The following C2CD3 variants were observed in gnomAD, a reference collection of about 807,000 sequenced individuals.
C2CD3 encodes C2 domain containing 3 centriole elongation regulator.
In C2CD3, 148 loss-of-function variants were observed where a neutral mutation model predicts 234.0. The ratio of observed to expected loss-of-function variants is 0.63; its 90% CI spans 0.55 to 0.72. C2CD3 has a LOEUF of 0.72. C2CD3 is among the 30% of genes least tolerant of loss of function. The pLI is 0.00. For missense variants in C2CD3, 2,577 were observed against 2,811.5 expected (o/e 0.92, Z 1.89); for synonymous variants, 1,000 against 1,035.4 (o/e 0.97, Z 0.66).
In C2CD3 at chr11:74,074,392, C is replaced by T; in HGVS notation, c.4812G>A (p.Gln1604=). The change falls in exon 24 of 33, where the codon CAG becomes CAA. Residue 1604 remains glutamine, a synonymous_variant. Transcript: ENST00000334126. ...GGACCTGGGTGGAGGCAGGAGACTTCTGGTGGCAGGAGATGACTTCTGGTG... is the reference window on the plus strand; with the variant it reads ...GGACCTGGGTGGAGGCAGGAGACTTTTGGTGGCAGGAGATGACTTCTGGTG... The part of the protein sequence containing the change: ...LSPPEVISCH[Q]KSPASTQVPC... The T allele has an allele frequency of 6.2e-7, 1 of 1,614,222 alleles. No individual in the cohort carries two copies. Among genetic ancestry groups the T allele is most frequent in the Non-Finnish European group, 8.5e-7 (1 of 1,180,042 alleles).
chr11:74,084,477 T>C (rs564353477), intron 22 of C2CD3, among the ~76,000 whole-genome samples: 4 of 151,706 alleles, frequency 2.6e-5, no homozygotes, highest in South Asian at 4.2e-4. Context: ...GGTTTCACCA[T>C]GTTAGCCAGG....
rs1178056922 is a variant in C2CD3 at position 74,085,902 on chromosome 11, G to T, written c.3642-16C>A. 6 of 1,594,160 alleles carry T rather than the reference G, an allele frequency of 3.8e-6. No individual in the cohort carries two copies. Among genetic ancestry groups the T allele is most frequent in the Non-Finnish European group, 5.1e-6 (6 of 1,167,632 alleles). Reference sequence around the variant, plus strand: ...AGCCAAAGCCCTGTAGAGGAGAAGGGTGGAAATGAGAAGATACCATGGTAA... The same window carrying T: ...AGCCAAAGCCCTGTAGAGGAGAAGGTTGGAAATGAGAAGATACCATGGTAA... On this transcript the variant is annotated splice_polypyrimidine_tract_variant and intron_variant, in intron 20 of 32. Transcript: ENST00000334126.
At chr11:74,044,724 T>C (rs1953271345) in intron 28 of C2CD3, among the ~76,000 whole-genome samples, 1 of 152,130 alleles carries the variant, frequency 6.6e-6, no homozygotes, top group African/African-American at 2.4e-5. Flanking sequence ...CTTCCTTTAG[T>C]AGTCCCTAGT....
At chr11:74,097,511 TAAC>T (rs941889046) in intron 16 of C2CD3, among the ~76,000 whole-genome samples, 1 of 152,222 alleles carries the variant, frequency 6.6e-6, no homozygotes, top group African/African-American at 2.4e-5. Context: ...TAAAACAGAA[TAAC>T]AATAACCCAC....
At chr11:74,094,627 C>G (rs534779964) in intron 17 of C2CD3, among the ~76,000 whole-genome samples, 3 of 152,078 alleles carry the variant, frequency 2.0e-5, no homozygotes, top group Non-Finnish European at 4.4e-5. Context: ...GAGAAGCTTC[C>G]AATCTGGGTA....
chr11:74,145,124 G>C (rs1352609355), intron 3 of C2CD3, among the ~76,000 whole-genome samples: 2 of 152,150 alleles, frequency 1.3e-5, no homozygotes, highest in Non-Finnish European at 2.9e-5. Flanking sequence ...TCTGTTTTTA[G>C]ATCTTTGACG....
At chr11:74,157,925 GTA>G (rs200421527) in intron 3 of C2CD3, among the ~76,000 whole-genome samples, 1,824 of 152,286 alleles carry the variant, frequency 0.012, 37 homozygotes, top group African/African-American at 0.042. Flanking sequence ...GCATGTAACA[GTA>G]TATGAAGAAA....
rs185865194 is a variant in C2CD3 at position 74,121,418 on chromosome 11, C to A, written c.1365+1570G>T. Among the ~76,000 whole-genome samples the A allele has an allele frequency of 3.9e-3, 598 of 151,668 alleles. 3 individuals are homozygous for A. Among genetic ancestry groups the A allele is most frequent in the Middle Eastern group, 0.034 (10 of 290 alleles). ...AGTCAGGAGTTCAAAACCAGCCTGG[C>A]CAACATGGTGAAGGCCTGTCTCTAA... On this transcript the variant is annotated intron_variant, in intron 8 of 32. Transcript: ENST00000334126.
At chr11:74,094,085 TTAGTAATTCCC>T in intron 17 of C2CD3, 86 bp from the exon 18 acceptor site, 2 of 1,094,672 alleles carry the variant, frequency 1.8e-6, no homozygotes, top group South Asian at 3.1e-5. Context: ...TGAATATTAC[TTAGTAATTCCC>T]TAGTAGTTAT....
chr11:74,021,246 A>C (rs888301225), intron 32 of C2CD3, among the ~76,000 whole-genome samples: 27 of 151,970 alleles, frequency 1.8e-4, no homozygotes, highest in Non-Finnish European at 1.0e-4. Flanking sequence ...CCTGTCTCAA[A>C]AAACAAACAA....
intron 18 of C2CD3, among the ~76,000 whole-genome samples, chr11:74,092,922 G>A (rs936815720): frequency 3.3e-5 from 5 of 152,102 alleles, no homozygotes; most frequent in African/African-American, 9.7e-5. Context: ...TATCTTTCAT[G>A]GCTTACTCTC....
In C2CD3 at chr11:74,085,575, A is replaced by G. The variant is rs548752849; in HGVS notation, c.3910+43T>C. 3 of 1,603,934 alleles carry G rather than the reference A, an allele frequency of 1.9e-6. No homozygotes were observed. The East Asian group carries it at 6.7e-5, about 36-fold the overall frequency. On this transcript the variant is annotated intron_variant, in intron 21 of 32. Coordinates refer to ENST00000334126, the MANE Select transcript of C2CD3 (RefSeq NM_001286577.2). ...GGAAGGGCTATACTATTCACAATGCAGCCTCTTTTAATTTTGATTGTGACA... is the reference window on the plus strand; with the variant it reads ...GGAAGGGCTATACTATTCACAATGCGGCCTCTTTTAATTTTGATTGTGACA...
chr11:74,159,473 T>A (rs1257035008), intron 3 of C2CD3, among the ~76,000 whole-genome samples: 1 of 152,110 alleles, frequency 6.6e-6, no homozygotes, highest in Admixed American at 6.6e-5. Context: ...GTGATAGTGA[T>A]GATCCTGACC....
chr11:74,054,735 A>T, intron 25 of C2CD3, 64 bp from the exon 26 acceptor site: 1 of 1,096,740 alleles, frequency 9.1e-7, no homozygotes, highest in Non-Finnish European at 1.4e-6. Context: ...TAAAACTTAG[A>T]TTTGAAGAAT....
intron 3 of C2CD3, among the ~76,000 whole-genome samples, chr11:74,156,467 A>C (rs1002517675): frequency 5.3e-5 from 8 of 149,892 alleles, no homozygotes; most frequent in African/African-American, 7.5e-5. Flanking sequence ...CTCAAAAAAA[A>C]AAAAAAAAAA....
chr11:74,084,846 G>T (rs1265667187), intron 22 of C2CD3, 35 bp downstream of exon 22: 6 of 1,232,834 alleles, frequency 4.9e-6, no homozygotes, highest in Non-Finnish European at 7.2e-6. Context: ...AAAGGGAAAG[G>T]GTGGCATCAG....
At position 74,033,671 on chromosome 11, in the gene C2CD3, A is replaced by C. The variant is rs200722665; in HGVS notation, c.6489T>G (p.Val2163=). The change falls in exon 31 of 33, where the codon GTT becomes GTG. Residue 2163 remains valine (V), a synonymous_variant. Transcript: ENST00000334126. ...GGTTGGCTGAGGCAGACTCGCCACC[A>C]ACCCTGGCCTTAGAGGCCTCACACT... ...ACECEASKAR[V]GGESASANPQ... The C allele has an allele frequency of 1.4e-4, 222 of 1,536,258 alleles. 1 individual carries two copies. The highest frequency in any genetic ancestry group is 1.0e-3 in the Middle Eastern group (6 of 5,988).
chr11:74,079,583 C>T (rs984912656), intron 22 of C2CD3, among the ~76,000 whole-genome samples: 1 of 150,806 alleles, frequency 6.6e-6, no homozygotes, highest in East Asian at 1.9e-4. Context: ...TAGCCCTTTA[C>T]AGATATTATT....
At chr11:74,056,612 A>G (rs117042068) in intron 25 of C2CD3, among the ~76,000 whole-genome samples, 3,001 of 152,328 alleles carry the variant, frequency 0.02, 52 homozygotes, top group Middle Eastern at 0.068. Flanking sequence ...CAGTCAGTAA[A>G]TTACAGAGAT....
Sources: allele counts gnomAD v4.1 joint callset (sites outside exome capture counted in the v4.1 genomes callset), GRCh38; gene constraint gnomAD v4.1.1; transcripts MANE v1.5; gene names NCBI Gene and HGNC (gene_info 2026-07-23, HGNC 2026-07-21).